Variants in MAGI2 observed in about 807,000 individuals in gnomAD.
The protein encoded by MAGI2 is membrane-associated guanylate kinase, WW and PDZ domain-containing protein 2.
In MAGI2, 35 loss-of-function variants were observed where a neutral mutation model predicts 133.3. The observed-to-expected ratio is 0.26, with a 90% confidence interval of 0.20 to 0.35. The LOEUF (loss-of-function observed/expected upper bound fraction) is 0.35, where lower values mean the gene tolerates loss of function less well. MAGI2 is among the 10% of genes least tolerant of loss of function. The pLI, the probability that MAGI2 is intolerant of heterozygous loss-of-function variation, is 1.00. For missense variants in MAGI2, 1,636 were observed against 1,863.4 expected, an observed-to-expected ratio of 0.88 and a Z score of 2.25; for synonymous variants, 729 against 710.6, an observed-to-expected ratio of 1.03 and a Z score of -0.41.
intron 1 of MAGI2, among the ~76,000 whole-genome samples, chr7:79,444,133 T>A (rs1178189026): frequency 6.6e-6 from 1 of 152,184 alleles, no homozygotes; most frequent in Non-Finnish European, 1.5e-5. Context: ...CTAAAAACTC[T>A]CAATAAATTA....
chr7:78,921,975 C>T (rs1456171699), intron 2 of MAGI2, among the ~76,000 whole-genome samples: 1 of 151,926 alleles, frequency 6.6e-6, no homozygotes, highest in Non-Finnish European at 1.5e-5. Flanking sequence ...AGAGCCATCA[C>T]CTTTAACTAC....
At chr7:78,508,035 G>T (rs942256645) in intron 4 of MAGI2, among the ~76,000 whole-genome samples, 3 of 152,156 alleles carry the variant, frequency 2.0e-5, no homozygotes, top group Admixed American at 2.0e-4. Flanking sequence ...TCTCTCTTAG[G>T]TTCTGGTAGC....
chr7:78,244,684 A>G (rs1791572617), intron 10 of MAGI2, among the ~76,000 whole-genome samples: 1 of 152,184 alleles, frequency 6.6e-6, no homozygotes, highest in Non-Finnish European at 1.5e-5. Context: ...AAACAAATAG[A>G]ATTTAGGAGT....
intron 20 of MAGI2, among the ~76,000 whole-genome samples, chr7:78,091,025 C>T (rs17593622): frequency 0.12 from 18,580 of 150,196 alleles, 1,375 homozygotes; most frequent in Middle Eastern, 0.19. Context: ...CTTTTAACAT[C>T]GTAGTGACTG....
chr7:78,190,530 GGACAGCACA>G lies in MAGI2; in HGVS notation c.2269+4335_2269+4343del, dbSNP rs1262610607. ...AAGTGAACTATTGATAATCACGCCA[GGACAGCACA>G]GACAAGGATTGTCCAGGAAACTTCC... On this transcript the variant is annotated intron_variant, in intron 12 of 21. Coordinates refer to ENST00000354212, the MANE Select transcript of MAGI2 (RefSeq NM_012301.4). 3.3e-5 allele frequency among the ~76,000 whole-genome samples: 5 copies of G among 152,222 alleles called. No individual in the cohort carries two copies. The South Asian group carries it at 8.3e-4, about 25-fold the overall frequency.
At chr7:78,105,403 A>G (rs1305475613) in intron 20 of MAGI2, among the ~76,000 whole-genome samples, 4 of 152,200 alleles carry the variant, frequency 2.6e-5, no homozygotes, top group African/African-American at 7.2e-5. Flanking sequence ...GGGTCTGAGC[A>G]ACTTCAACTT....
chr7:78,963,713 T>G (rs1803060973), intron 2 of MAGI2, among the ~76,000 whole-genome samples: 1 of 152,070 alleles, frequency 6.6e-6, no homozygotes, highest in Middle Eastern at 3.4e-3. Context: ...TATATATATA[T>G]TCTCCTTTTT....
At chr7:78,807,264 A>G (rs1378095851) in intron 2 of MAGI2, among the ~76,000 whole-genome samples, 2 of 152,142 alleles carry the variant, frequency 1.3e-5, no homozygotes, top group Non-Finnish European at 2.9e-5. Flanking sequence ...ATTAGACATT[A>G]AAACTAAAAA....
chr7:79,230,538 G>A (rs1831273946), intron 1 of MAGI2, among the ~76,000 whole-genome samples: 3 of 151,750 alleles, frequency 2.0e-5, no homozygotes, highest in African/African-American at 7.3e-5. Flanking sequence ...TTCTCTGATG[G>A]CCAGTGATGA....
chr7:79,414,527 C>G (rs1846365457), intron 1 of MAGI2: 1 of 152,046 alleles, frequency 6.6e-6, no homozygotes, highest in Non-Finnish European at 1.5e-5. Context: ...TCAGAGGTGG[C>G]ATTTCTGAAA....
At chr7:79,429,688 T>C (rs1162602240) in intron 1 of MAGI2, among the ~76,000 whole-genome samples, 3 of 152,196 alleles carry the variant, frequency 2.0e-5, no homozygotes, top group Non-Finnish European at 4.4e-5. Flanking sequence ...TTTTGTGTTA[T>C]TTTGTTTTAG....
intron 1 of MAGI2, among the ~76,000 whole-genome samples, chr7:79,226,332 G>C (rs1039169624): frequency 6.6e-6 from 1 of 152,034 alleles, no homozygotes; most frequent in African/African-American, 2.4e-5. Flanking sequence ...CTGGGGATGA[G>C]AGTTACCGAA....
intron 1 of MAGI2, among the ~76,000 whole-genome samples, chr7:79,230,854 T>C (rs1831306217): frequency 1.4e-5 from 2 of 146,678 alleles, no homozygotes; most frequent in Non-Finnish European, 3.0e-5. Context: ...GTTTTGGACA[T>C]GAAGTCCTTG....
intron 13 of MAGI2, among the ~76,000 whole-genome samples, chr7:78,182,687 T>A (rs938891131): frequency 2.0e-5 from 3 of 152,228 alleles, no homozygotes; most frequent in Admixed American, 6.5e-5. Flanking sequence ...CCTCTTTTTC[T>A]TTCCTCATAC....
At chr7:78,076,823 G>A (rs1489123546) in intron 21 of MAGI2, among the ~76,000 whole-genome samples, 6 of 132,614 alleles carry the variant, frequency 4.5e-5, no homozygotes, top group South Asian at 2.5e-4. Context: ...TCCGCAGTCC[G>A]GCCTGGGCGA....
chr7:79,158,045 C>T (rs1158115464), intron 1 of MAGI2, among the ~76,000 whole-genome samples: 5 of 150,902 alleles, frequency 3.3e-5, no homozygotes, highest in Admixed American at 1.3e-4. Flanking sequence ...TTTAATTTCC[C>T]CTTGGCACGC....
At chr7:79,194,630 T>A (rs1247887697) in intron 1 of MAGI2, among the ~76,000 whole-genome samples, 1 of 151,914 alleles carries the variant, frequency 6.6e-6, no homozygotes, top group East Asian at 1.9e-4. Flanking sequence ...CCCTTGTGTG[T>A]CACATATATT....
At chr7:78,446,105 A>T (rs187017067) in intron 6 of MAGI2, among the ~76,000 whole-genome samples, 3 of 151,152 alleles carry the variant, frequency 2.0e-5, no homozygotes, top group African/African-American at 7.3e-5. Context: ...TTTTTTTTAA[A>T]GAAATTATGT....
At chr7:78,278,217 G>A (rs923993335) in intron 9 of MAGI2, among the ~76,000 whole-genome samples, 3 of 152,112 alleles carry the variant, frequency 2.0e-5, no homozygotes, top group Admixed American at 1.3e-4. Flanking sequence ...AGGTTTTTCA[G>A]TGTCTCTGCC....
Sources: gnomAD v4.1 joint callset for allele counts (sites outside exome capture counted in the v4.1 genomes callset) on GRCh38, gnomAD v4.1.1 for gene constraint, MANE v1.5 for transcripts, NCBI Gene and HGNC (gene_info 2026-07-23, HGNC 2026-07-21) for gene names.